The following PLA2R1 variants were observed in gnomAD, a reference collection of about 807,000 sequenced individuals.
PLA2R1 encodes the protein secretory phospholipase A2 receptor.
PLA2R1 carries 158 observed loss-of-function variants against 195.9 expected under a neutral mutation model. The ratio of observed to expected loss-of-function variants is 0.81; its 90% CI spans 0.71 to 0.92. The LOEUF (loss-of-function observed/expected upper bound fraction) is 0.92, where lower values mean the gene tolerates loss of function less well. Ranked by LOEUF, PLA2R1 falls within the 40% of genes least tolerant of loss-of-function variation. PLA2R1 has a pLI of 0.00. For missense variants in PLA2R1, 1,626 were observed against 1,764.6 expected, an observed-to-expected ratio of 0.92 and a Z score of 1.41; for synonymous variants, 586 against 598.2, an observed-to-expected ratio of 0.98 and a Z score of 0.30.
Position 159,937,837 on chromosome 2 carries a change from G to A in PLA2R1, c.*3941C>T, listed in dbSNP as rs1416530947. The A allele has an allele frequency of 5.3e-5, 8 of 152,200 alleles. No individual in the cohort carries two copies. Among genetic ancestry groups the A allele is most frequent in the Admixed American group, 5.2e-4 (8 of 15,284 alleles). 9.4% of individuals were successfully genotyped at this position (152,200 alleles called of 1,614,324 possible). The stretch of plus-strand genomic sequence containing the variant: ...AATGTCCTAACACAGAGAAAGACGT[G>A]AGGATCTACAGAATGAGTTTACAAT... On this transcript the variant is annotated 3_prime_UTR_variant, in exon 30 of 30. Transcript: ENST00000283243.
At chr2:160,001,523 G>T (rs139858680) in intron 11 of PLA2R1, among the ~76,000 whole-genome samples, 125 of 152,030 alleles carry the variant, frequency 8.2e-4, no homozygotes, top group African/African-American at 2.7e-3. Flanking sequence ...AAGAATGTGT[G>T]AATAGAGTTT....
At position 159,940,651 on chromosome 2, in the gene PLA2R1, T is replaced by G. The variant is rs915626275; in HGVS notation, c.*1127A>C. 5.3e-5 allele frequency: 8 copies of G among 152,180 alleles called. No homozygotes were observed. The highest frequency in any genetic ancestry group is 1.0e-4 in the Non-Finnish European group (7 of 68,010). The allele number at this position is 152,180 out of a possible 1,614,324, so 9.4% of individuals were successfully genotyped here. A position where few individuals can be genotyped will look rare whatever the true frequency, so the allele number is the denominator to read the frequency against. ...AGCTGTTTTCTTTATAAGGAACTAA[T>G]AAAGGAAAATAAAATCTGTAATTTT... On this transcript the variant is annotated 3_prime_UTR_variant, in exon 30 of 30. Coordinates refer to ENST00000283243, the MANE Select transcript of PLA2R1 (RefSeq NM_007366.5).
At chr2:159,957,987 A>T (rs1417121347) in intron 20 of PLA2R1, among the ~76,000 whole-genome samples, 2 of 152,176 alleles carry the variant, frequency 1.3e-5, no homozygotes, top group East Asian at 3.9e-4. Flanking sequence ...CCACTACAGG[A>T]TAATTCTAGG....
chr2:160,006,370 G>A (rs1044056954), intron 10 of PLA2R1, among the ~76,000 whole-genome samples: 1 of 152,184 alleles, frequency 6.6e-6, no homozygotes, highest in Admixed American at 6.5e-5. Flanking sequence ...CATAGGCAGA[G>A]GTAGGTCTCA....
intron 11 of PLA2R1, among the ~76,000 whole-genome samples, chr2:160,001,730 A>C (rs566898270): frequency 6.6e-6 from 1 of 152,084 alleles, no homozygotes; most frequent in African/African-American, 2.4e-5. Flanking sequence ...TTGGGATACT[A>C]CTATACCGAT....
At chr2:160,047,191 T>C (rs946586501) in intron 1 of PLA2R1, among the ~76,000 whole-genome samples, 40 of 152,312 alleles carry the variant, frequency 2.6e-4, no homozygotes, top group African/African-American at 9.4e-4. Context: ...TGTGTAACTT[T>C]GGGCAGATTG....
At chr2:160,023,336 C>G (rs1693264902) in intron 6 of PLA2R1, among the ~76,000 whole-genome samples, 1 of 152,126 alleles carries the variant, frequency 6.6e-6, no homozygotes, top group South Asian at 2.1e-4. Context: ...CTGGCCAAAA[C>G]CCATCAAAAC....
intron 20 of PLA2R1, among the ~76,000 whole-genome samples, chr2:159,966,330 AAATTAGTC>A (rs1348900146): frequency 6.6e-6 from 1 of 152,206 alleles, no homozygotes; most frequent in Non-Finnish European, 1.5e-5. Context: ...TGAGGTATCT[AAATTAGTC>A]AATTTCAAAG....
rs530339132 is a variant in PLA2R1, at chr2:159,953,082, GTA to G, written c.3302-1506_3302-1505del. ...TTCATAACATTAAATGACATTCTTT[GTA>G]TATGTTACCCAAATGCCAATTTGAC... On this transcript the variant is annotated intron_variant, in intron 23 of 29. Coordinates refer to ENST00000283243, the MANE Select transcript of PLA2R1 (RefSeq NM_007366.5). 4.6e-5 allele frequency among the ~76,000 whole-genome samples: 7 copies of G among 152,184 alleles called. No individual in the cohort carries two copies. The East Asian group carries it at 1.3e-3, about 29-fold the overall frequency.
intron 2 of PLA2R1, among the ~76,000 whole-genome samples, chr2:160,042,789 GT>G (rs1169982238): frequency 1.8e-5 from 2 of 113,630 alleles, no homozygotes; most frequent in East Asian, 8.9e-4. Flanking sequence ...ACAGAGTGGG[GT>G]GTGTGTGTGC....
chr2:159,928,035 A>G (rs1256241048), downstream of PLA2R1, among the ~76,000 whole-genome samples: 1 of 152,218 alleles, frequency 6.6e-6, no homozygotes, highest in Non-Finnish European at 1.5e-5. Flanking sequence ...TCTTCAAAGA[A>G]AAGGAAGGCT....
intron 10 of PLA2R1, among the ~76,000 whole-genome samples, chr2:160,007,939 C>G (rs533367684): frequency 5.3e-5 from 8 of 152,304 alleles, no homozygotes; most frequent in African/African-American, 1.9e-4. Context: ...CCAATATAAT[C>G]GTGAAAAGAA....
At chr2:160,059,761 G>A (rs894732779) in intron 1 of PLA2R1, among the ~76,000 whole-genome samples, 6 of 152,320 alleles carry the variant, frequency 3.9e-5, no homozygotes, top group East Asian at 1.9e-4. Context: ...GGTGGGAGGC[G>A]AAAGGCACTT....
chr2:159,991,147 A>G (rs1690761222), intron 11 of PLA2R1, among the ~76,000 whole-genome samples: 1 of 152,192 alleles, frequency 6.6e-6, no homozygotes, highest in African/African-American at 2.4e-5. Flanking sequence ...GAGTTCCCCT[A>G]AAATTATGCT....
At chr2:159,975,049 T>G (rs1229174110) in intron 17 of PLA2R1, among the ~76,000 whole-genome samples, 1 of 152,224 alleles carries the variant, frequency 6.6e-6, no homozygotes, top group Non-Finnish European at 1.5e-5. Flanking sequence ...GGCTTTTTCT[T>G]GCTTTCAAAG....
intron 20 of PLA2R1, 118 bp downstream of exon 20, chr2:159,967,421 A>T: frequency 2.7e-6 from 2 of 743,158 alleles, no homozygotes; most frequent in Non-Finnish European, 4.2e-6. Context: ...GTGACAAAAA[A>T]ATTCCAGGTC....
intron 20 of PLA2R1, among the ~76,000 whole-genome samples, chr2:159,961,607 T>C (rs1424667832): frequency 6.6e-6 from 1 of 152,180 alleles, no homozygotes; most frequent in African/African-American, 2.4e-5. Flanking sequence ...CAGGGCTAGC[T>C]TCAGAAGGCG....
chr2:159,942,171 T>C lies in PLA2R1; in HGVS notation c.4145-12A>G. On this transcript the variant is annotated splice_polypyrimidine_tract_variant and intron_variant, in intron 28 of 29. Transcript: ENST00000283243. ...TGCAGTGTGAATATCTAAAATCAAA[T>C]ACAAAAATTAAAATGAGGTTTTTCT... The C allele has an allele frequency of 6.2e-7, 1 of 1,603,012 alleles. No homozygotes were observed. The highest frequency in any genetic ancestry group is 1.1e-5 in the South Asian group (1 of 90,338).
chr2:159,997,991 C>T (rs1224455824), intron 11 of PLA2R1, among the ~76,000 whole-genome samples: 5 of 151,866 alleles, frequency 3.3e-5, no homozygotes, highest in Non-Finnish European at 5.9e-5. Context: ...TTTTCTTTTT[C>T]TAATATCAGG....
Sources: gnomAD v4.1 joint callset for allele counts (sites outside exome capture counted in the v4.1 genomes callset) on GRCh38, gnomAD v4.1.1 for gene constraint, MANE v1.5 for transcripts, NCBI Gene and HGNC (gene_info 2026-07-23, HGNC 2026-07-21) for gene names.